HPCAL1: variants seen among roughly 807,000 people sequenced by gnomAD.
HPCAL1 encodes hippocalcin-like protein 1.
In HPCAL1, 8 loss-of-function variants were observed where a neutral mutation model predicts 17.1. That is an observed-to-expected ratio of 0.47 (90% CI 0.27 to 0.84). The LOEUF is 0.84. HPCAL1 is among the 40% of genes least tolerant of loss of function. The probability of loss-of-function intolerance (pLI) is 0.13; values close to 1 mark genes in which losing one functional copy is unlikely to be tolerated. For synonymous variants in HPCAL1, 112 were observed against 111.4 expected, an observed-to-expected ratio of 1.01 and a Z score of -0.03; for missense variants, 165 against 271.1, an observed-to-expected ratio of 0.61 and a Z score of 2.75.
At chr2:10,376,199 C>A (rs896468163) in intron 1 of HPCAL1, among the ~76,000 whole-genome samples, 2 of 152,190 alleles carry the variant, frequency 1.3e-5, no homozygotes, top group Admixed American at 1.3e-4. Context: ...AACTGTGAGC[C>A]AATTAAGACA....
In HPCAL1 at chr2:10,363,430, C is replaced by T. The variant is rs1163030515; in HGVS notation, c.-110-33405C>T. Reference sequence around the variant, plus strand: ...ATAACTTGGATCGACTGAAGAACCTCGGGGCTTTCTTGGCTGTTTGTAGGA... The same window carrying T: ...ATAACTTGGATCGACTGAAGAACCTTGGGGCTTTCTTGGCTGTTTGTAGGA... On this transcript the variant is annotated intron_variant, in intron 1 of 4. Coordinates refer to ENST00000307845, the MANE Select transcript of HPCAL1 (RefSeq NM_002149.4). This position sits in a 1 kb window ranked among gnomAD's most constrained non-coding sequence, Gnocchi z 4.7. Among the ~76,000 whole-genome samples the T allele has an allele frequency of 2.6e-5, 4 of 152,194 alleles. No individual in the cohort carries two copies. The highest frequency in any genetic ancestry group is 7.2e-5 in the African/African-American group (3 of 41,428).
chr2:10,366,947 C>T (rs1397824701), intron 1 of HPCAL1, among the ~76,000 whole-genome samples: 1 of 152,140 alleles, frequency 6.6e-6, no homozygotes, highest in Non-Finnish European at 1.5e-5. Context: ...CAGGATTTTC[C>T]TGGGGTGAGG....
At chr2:10,338,910 T>C (rs1462515267) in intron 1 of HPCAL1, among the ~76,000 whole-genome samples, 2 of 152,166 alleles carry the variant, frequency 1.3e-5, no homozygotes, top group Non-Finnish European at 2.9e-5. Context: ...ATTGAGTACT[T>C]ACTGCCTGCC....
intron 1 of HPCAL1, among the ~76,000 whole-genome samples, chr2:10,333,445 C>G (rs993401979): frequency 6.6e-6 from 1 of 152,182 alleles, no homozygotes; most frequent in African/African-American, 2.4e-5. Flanking sequence ...CTTGGCACCT[C>G]TCGGGATCCT....
chr2:10,419,719 C>T lies in HPCAL1; in HGVS notation c.-24-15C>T, dbSNP rs1451341662. On this transcript the variant is annotated splice_polypyrimidine_tract_variant and intron_variant, in intron 2 of 4. Transcript: ENST00000307845. The surrounding 1 kb of genome is among the most constrained non-coding windows in gnomAD (Gnocchi z 5.0). ...GGCCGTGGGTGGCGTCCCCGGCTGA[C>T]CCCCTGTCTTGCAGGTGTAGTCGCC... is the stretch of plus-strand genomic sequence containing the variant. 6 of 1,582,014 alleles carry T rather than the reference C, an allele frequency of 3.8e-6. No homozygotes were observed. The highest frequency in any genetic ancestry group is 5.2e-6 in the Non-Finnish European group (6 of 1,163,768).
At chr2:10,334,219 C>T (rs1414073508) in intron 1 of HPCAL1, among the ~76,000 whole-genome samples, 3 of 152,204 alleles carry the variant, frequency 2.0e-5, no homozygotes, top group African/African-American at 2.4e-5. Flanking sequence ...CATGGTGGCT[C>T]ACGCCTGTAA....
In HPCAL1 at chr2:10,324,816, G is replaced by GTTTTTTTTTTT. The variant is rs3036350; in HGVS notation, c.-111+21653_-111+21663dup. 1.5e-4 allele frequency among the ~76,000 whole-genome samples: 10 copies of GTTTTTTTTTTT among 66,388 alleles called. 1 individual carries two copies. Among genetic ancestry groups the GTTTTTTTTTTT allele is most frequent in the South Asian group, 1.8e-3 (2 of 1,112 alleles). 43.6% of individuals were successfully genotyped at this position (66,388 alleles called of 152,430 possible). On this transcript the variant is annotated intron_variant, in intron 1 of 4. Transcript: ENST00000307845. ...CAATATTGGGTTTGCTGGTTTTTGT[G>GTTTTTTTTTTT]TTTTTTTTTTTTTTTTTTTTTTTTG...
chr2:10,349,702 C>CAAAA lies in HPCAL1; in HGVS notation c.-111+46559_-111+46562dup, dbSNP rs55897775. On this transcript the variant is annotated intron_variant, in intron 1 of 4. Coordinates refer to ENST00000307845, the MANE Select transcript of HPCAL1 (RefSeq NM_002149.4). ...TGGGTGACAGAGCAAGACTCTGTCT[C>CAAAA]AAAAAAAAAAAAAAAAAAAAAAAAA... Among the ~76,000 whole-genome samples, 52 of 52,740 alleles carry CAAAA rather than the reference C, an allele frequency of 9.9e-4. 8 individuals are homozygous for CAAAA. The highest frequency in any genetic ancestry group is 3.0e-3 in the African/African-American group (31 of 10,290). 34.6% of individuals were successfully genotyped at this position (52,740 alleles called of 152,430 possible).
intron 1 of HPCAL1, among the ~76,000 whole-genome samples, chr2:10,336,202 G>T (rs1664714217): frequency 6.6e-6 from 1 of 151,836 alleles, no homozygotes; most frequent in Non-Finnish European, 1.5e-5. Context: ...ATCCTCTGCT[G>T]TAAATTAATT....
chr2:10,318,525 G>A (rs1480276864), intron 1 of HPCAL1, among the ~76,000 whole-genome samples: 1 of 152,236 alleles, frequency 6.6e-6, no homozygotes. Flanking sequence ...GCACGTGGGT[G>A]TGGTTAGAGT....
At chr2:10,375,020 C>CT (rs1271496806) in intron 1 of HPCAL1, among the ~76,000 whole-genome samples, 4 of 152,124 alleles carry the variant, frequency 2.6e-5, no homozygotes, top group Non-Finnish European at 5.9e-5. Flanking sequence ...TGGCAGAGAG[C>CT]TGGGAGCCTG....
intron 1 of HPCAL1, among the ~76,000 whole-genome samples, chr2:10,353,097 C>T (rs935148489): frequency 3.3e-5 from 5 of 152,112 alleles, no homozygotes; most frequent in African/African-American, 1.2e-4. Flanking sequence ...GCAGTCGTGC[C>T]GATGCAGTTC....
intron 1 of HPCAL1, among the ~76,000 whole-genome samples, chr2:10,340,786 C>A (rs985863813): frequency 1.3e-5 from 2 of 152,184 alleles, no homozygotes; most frequent in Non-Finnish European, 2.9e-5. Flanking sequence ...ATATCCCTGC[C>A]CTTCCAGCCA....
rs1342282155 is a variant in HPCAL1 at position 10,367,427 on chromosome 2, C to T, written c.-110-29408C>T. On this transcript the variant is annotated intron_variant, in intron 1 of 4. Coordinates refer to ENST00000307845, the MANE Select transcript of HPCAL1 (RefSeq NM_002149.4). The surrounding 1 kb of genome is among the most constrained non-coding windows in gnomAD (Gnocchi z 4.4). ...TCAGCATCCTGAATAGCTGGGACTA[C>T]AGGTGTGCGCCACCACGCATGGCTA... Among the ~76,000 whole-genome samples, 1 of 151,980 alleles carries T rather than the reference C, an allele frequency of 6.6e-6. No homozygotes were observed. Among genetic ancestry groups the T allele is most frequent in the African/African-American group, 2.4e-5 (1 of 41,374 alleles).
rs1668174137 is a variant in HPCAL1 at position 10,384,390 on chromosome 2, C to T, written c.-110-12445C>T. On this transcript the variant is annotated intron_variant, in intron 1 of 4. Transcript: ENST00000307845. This position sits in a 1 kb window ranked among gnomAD's most constrained non-coding sequence, Gnocchi z 4.4. ...TGGAGGGAAGGGTTTTGGGCACCCA[C>T]CCTGGGGAGAGAGGAGAGCCCAGGT... 1.3e-5 allele frequency among the ~76,000 whole-genome samples: 2 copies of T among 152,190 alleles called. No individual in the cohort carries two copies. The highest frequency in any genetic ancestry group is 4.8e-5 in the African/African-American group (2 of 41,454).
rs181776166 is a variant in HPCAL1, at chr2:10,338,519, G to A, written c.-111+35342G>A. 2.0e-3 allele frequency among the ~76,000 whole-genome samples: 309 copies of A among 152,314 alleles called. 1 individual carries two copies. Among genetic ancestry groups the A allele is most frequent in the African/African-American group, 7.2e-3 (301 of 41,562 alleles). On this transcript the variant is annotated intron_variant, in intron 1 of 4. Coordinates refer to ENST00000307845, the MANE Select transcript of HPCAL1 (RefSeq NM_002149.4). ...CATGAGACTCCGTGAGATGAAGTTG[G>A]TGGGTCACTTGGCTGGGGCAGGTGT... is the stretch of plus-strand genomic sequence containing the variant.
rs1477800265 is a variant in HPCAL1, at chr2:10,331,974, T to C, written c.-111+28797T>C. On this transcript the variant is annotated intron_variant, in intron 1 of 4. Transcript: ENST00000307845. The surrounding 1 kb of genome is among the most constrained non-coding windows in gnomAD (Gnocchi z 5.0). ...TTGTTGCTTCACAGGGAGCACTCCTTGTCACCTATTGTCATTTATGAGCCC... is the reference window on the plus strand; with the variant it reads ...TTGTTGCTTCACAGGGAGCACTCCTCGTCACCTATTGTCATTTATGAGCCC... Among the ~76,000 whole-genome samples the C allele has an allele frequency of 3.2e-5, 4 of 125,992 alleles. No individual in the cohort carries two copies. Among genetic ancestry groups the C allele is most frequent in the Non-Finnish European group, 7.2e-5 (4 of 55,556 alleles). The allele number at this position is 125,992 out of a possible 152,430, so 82.7% of individuals were successfully genotyped here.
rs147398998 is a variant in HPCAL1 at position 10,420,041 on chromosome 2, G to A, written c.284G>A (p.Gly95Asp). The A allele has an allele frequency of 3.1e-6, 5 of 1,613,766 alleles. No homozygotes were observed. Among genetic ancestry groups the A allele is most frequent in the Non-Finnish European group, 2.5e-6 (3 of 1,180,036 alleles). The change falls in exon 3 of 5, where the codon GGC (glycine) becomes GAC (aspartate). Residue 95 changes from glycine to aspartate, a missense_variant. Gly to Asp is a moderately conservative substitution (Grantham distance 94). Coordinates refer to ENST00000307845, the MANE Select transcript of HPCAL1 (RefSeq NM_002149.4). ...ATTGCGCTGAGCGTGACCTCGCGGG[G>A]CAAGCTGGAGCAGAAGCTCAAGTGG... ...FIIALSVTSR[G>D]KLEQKLKWAF... is the part of the protein sequence containing the mutation.
chr2:10,337,081 T>A (rs1239704913), intron 1 of HPCAL1, among the ~76,000 whole-genome samples: 1 of 152,086 alleles, frequency 6.6e-6, no homozygotes, highest in Non-Finnish European at 1.5e-5. Flanking sequence ...AAGCTTCTGC[T>A]CAGACGTGGG....
Sources: allele counts gnomAD v4.1 joint callset (sites outside exome capture counted in the v4.1 genomes callset), GRCh38; gene constraint gnomAD v4.1.1; non-coding constraint Gnocchi (gnomAD v3.1); transcripts MANE v1.5; gene names NCBI Gene and HGNC (gene_info 2026-07-23, HGNC 2026-07-21).